Variants in RNF141 observed in about 807,000 individuals in gnomAD.
RNF141 encodes the protein C3HC4-like zinc finger protein.
A neutral mutation model predicts 27.4 loss-of-function variants in RNF141; 18 were observed. The observed-to-expected ratio is 0.66, with a 90% CI of 0.45 to 0.97. The LOEUF (loss-of-function observed/expected upper bound fraction) is 0.97. Among genes scored for constraint, RNF141 ranks in the 50% least tolerant of loss-of-function variants. The pLI is 0.00. For synonymous variants in RNF141, 97 were observed against 96.6 expected (o/e 1.00, Z -0.02); for missense variants, 230 against 279.4 (o/e 0.82, Z 1.26).
chr11:10,535,123 C>T (rs1042223137), intron 1 of RNF141, among the ~76,000 whole-genome samples: 5 of 150,410 alleles, frequency 3.3e-5, no homozygotes, highest in African/African-American at 1.2e-4. Context: ...TCCAAATTAA[C>T]AACCATATCA....
intron 1 of RNF141, among the ~76,000 whole-genome samples, chr11:10,537,063 T>C (rs2133977190): frequency 6.6e-6 from 1 of 152,312 alleles, no homozygotes; most frequent in African/African-American, 2.4e-5. Context: ...TGAGGAGCTG[T>C]CATGTGGAAA....
At chr11:10,531,070 G>C (rs1184756575) in intron 2 of RNF141, among the ~76,000 whole-genome samples, 1 of 152,026 alleles carries the variant, frequency 6.6e-6, no homozygotes, top group Non-Finnish European at 1.5e-5. Context: ...ACAAGTCTTA[G>C]AAATCAGGGA....
At chr11:10,529,288 T>G (rs1488432189) in intron 3 of RNF141, among the ~76,000 whole-genome samples, 2 of 152,234 alleles carry the variant, frequency 1.3e-5, no homozygotes, top group Admixed American at 1.3e-4. Context: ...GTCTTTAATT[T>G]AACCAATCCT....
rs1301913648 is a variant in RNF141, at chr11:10,513,276, T to C, written c.*1640A>G. The C allele has an allele frequency of 6.6e-6, 1 of 152,218 alleles. No homozygotes were observed. Among genetic ancestry groups the C allele is most frequent in the Non-Finnish European group, 1.5e-5 (1 of 68,032 alleles). 9.4% of individuals were successfully genotyped at this position (152,218 alleles called of 1,614,324 possible). On this transcript the variant is annotated 3_prime_UTR_variant, in exon 6 of 6. Coordinates refer to ENST00000265981, the MANE Select transcript of RNF141 (RefSeq NM_016422.4). ...CCTGGCCAGATGTTTTTCCTTGAAA[T>C]TGATTTGAATTTTATTTGCTCGCCT...
At chr11:10,526,023 G>T (rs1333352826) in intron 3 of RNF141, among the ~76,000 whole-genome samples, 2 of 152,146 alleles carry the variant, frequency 1.3e-5, no homozygotes, top group African/African-American at 2.4e-5. Flanking sequence ...GGGGCAAGCA[G>T]AGGAGATTGC....
rs571933603 is a variant in RNF141, at chr11:10,513,589, T to C, written c.*1327A>G. On this transcript the variant is annotated 3_prime_UTR_variant, in exon 6 of 6. Coordinates refer to ENST00000265981, the MANE Select transcript of RNF141 (RefSeq NM_016422.4). ...TATTTTAATGGAAAGAGTATTTCAA[T>C]GGAAGTACAGTGAAACAGTAGGAAT... is the stretch of plus-strand genomic sequence containing the variant. The C allele has an allele frequency of 6.6e-6, 1 of 152,342 alleles. No homozygotes were observed. Among genetic ancestry groups the C allele is most frequent in the African/African-American group, 2.4e-5 (1 of 41,582 alleles). The allele number at this position is 152,342 out of a possible 1,614,324, so 9.4% of individuals were successfully genotyped here.
At chr11:10,519,429 A>G (rs1311558282) in intron 4 of RNF141, among the ~76,000 whole-genome samples, 1 of 152,248 alleles carries the variant, frequency 6.6e-6, no homozygotes, top group African/African-American at 2.4e-5. Flanking sequence ...CTTTCTGGAA[A>G]CAATTTAGCC....
Position 10,519,146 on chromosome 11 carries a change from A to C in RNF141, c.435-5T>G. ...TCATCGGTCAGCTGCTTCACCCTGC[A>C]ATGTGAAAACTGAGCTGAAACAATT... is the stretch of plus-strand genomic sequence containing the variant. On this transcript the variant is annotated splice_region_variant and splice_polypyrimidine_tract_variant and intron_variant, in intron 4 of 5. Coordinates refer to ENST00000265981, the MANE Select transcript of RNF141 (RefSeq NM_016422.4). The C allele has an allele frequency of 1.2e-6, 2 of 1,611,766 alleles. No individual in the cohort carries two copies. Among genetic ancestry groups the C allele is most frequent in the Non-Finnish European group, 1.7e-6 (2 of 1,178,206 alleles).
rs975947518 is a variant in RNF141 at position 10,514,601 on chromosome 11, T to C, written c.*315A>G. 3 of 207,888 alleles carry C rather than the reference T, an allele frequency of 1.4e-5. No homozygotes were observed. The highest frequency in any genetic ancestry group is 5.9e-5 in the Admixed American group (1 of 16,866). The allele number at this position is 207,888 out of a possible 1,614,324, so 12.9% of individuals were successfully genotyped here. A position where few individuals can be genotyped will look rare whatever the true frequency, so the allele number is the denominator to read the frequency against. On this transcript the variant is annotated 3_prime_UTR_variant, in exon 6 of 6. Coordinates refer to ENST00000265981, the MANE Select transcript of RNF141 (RefSeq NM_016422.4). ...AGAATACTCCTGCCCTGCAAAACAGTAGTGTTTTAGAAGCCTCTGGAAGTG... is the reference window on the plus strand; with the variant it reads ...AGAATACTCCTGCCCTGCAAAACAGCAGTGTTTTAGAAGCCTCTGGAAGTG...
chr11:10,514,540 T>A lies in RNF141; in HGVS notation c.*376A>T, dbSNP rs553764776. 1 of 158,968 alleles carries A rather than the reference T, an allele frequency of 6.3e-6. No homozygotes were observed. The highest frequency in any genetic ancestry group is 6.5e-5 in the Admixed American group (1 of 15,428). The allele number at this position is 158,968 out of a possible 1,614,324, so 9.8% of individuals were successfully genotyped here. The stretch of plus-strand genomic sequence containing the variant: ...CTCAGATGGCTACAACTTTTTAATA[T>A]TCGAGGTTTATTTTATATCTAAGTA... On this transcript the variant is annotated 3_prime_UTR_variant, in exon 6 of 6. Transcript: ENST00000265981.
chr11:10,527,536 C>T (rs902131612), intron 3 of RNF141, among the ~76,000 whole-genome samples: 7 of 149,432 alleles, frequency 4.7e-5, no homozygotes, highest in Admixed American at 1.3e-4. Context: ...GAGTGACAGA[C>T]GGACAGAGGA....
Position 10,513,713 on chromosome 11 carries a change from T to A in RNF141, c.*1203A>T, listed in dbSNP as rs1488343506. 1 of 152,064 alleles carries A rather than the reference T, an allele frequency of 6.6e-6. No homozygotes were observed. The highest frequency in any genetic ancestry group is 1.9e-4 in the East Asian group (1 of 5,186). The allele number at this position is 152,064 out of a possible 1,614,324, so 9.4% of individuals were successfully genotyped here. ...TTTTTTTTTTGATTAGGAGTCTCGT[T>A]CTGTCTCCCAGGCTGGAGTGCAGTG... On this transcript the variant is annotated 3_prime_UTR_variant, in exon 6 of 6. Transcript: ENST00000265981.
At chr11:10,528,605 T>C (rs1198943440) in intron 3 of RNF141, among the ~76,000 whole-genome samples, 3 of 152,184 alleles carry the variant, frequency 2.0e-5, no homozygotes, top group Non-Finnish European at 4.4e-5. Flanking sequence ...TTTCTACAAT[T>C]TATATTGGCC....
At chr11:10,526,777 G>A (rs191051894) in intron 3 of RNF141, among the ~76,000 whole-genome samples, 3 of 144,242 alleles carry the variant, frequency 2.1e-5, no homozygotes, top group Non-Finnish European at 4.5e-5. Flanking sequence ...GCAAGACTAC[G>A]TCTCAAAAAA....
At chr11:10,532,669 G>A (rs1022284552) in intron 2 of RNF141, among the ~76,000 whole-genome samples, 14 of 152,136 alleles carry the variant, frequency 9.2e-5, no homozygotes, top group African/African-American at 3.1e-4. Flanking sequence ...AAGACAGTAT[G>A]TCTTCACATA....
At chr11:10,535,418 C>A (rs1591501618) in intron 1 of RNF141, among the ~76,000 whole-genome samples, 1 of 138,858 alleles carries the variant, frequency 7.2e-6, no homozygotes. Context: ...ATAAATATCA[C>A]ATTATAGAGA....
At chr11:10,529,338 A>G (rs1191264069) in intron 3 of RNF141, among the ~76,000 whole-genome samples, 1 of 152,224 alleles carries the variant, frequency 6.6e-6, no homozygotes, top group African/African-American at 2.4e-5. Flanking sequence ...GATAAGTGAG[A>G]AAATAAGTAT....
chr11:10,538,447 C>T (rs779724338), intron 1 of RNF141, among the ~76,000 whole-genome samples: 1 of 152,206 alleles, frequency 6.6e-6, no homozygotes, highest in South Asian at 2.1e-4. Context: ...TGCATGTTCA[C>T]GAAAACAATC....
At chr11:10,519,747 A>T (rs1849871896) in intron 4 of RNF141, among the ~76,000 whole-genome samples, 1 of 152,186 alleles carries the variant, frequency 6.6e-6, no homozygotes, top group Non-Finnish European at 1.5e-5. Context: ...TACTGTGTAA[A>T]TACGGTATAC....
Sources: allele counts gnomAD v4.1 joint callset (sites outside exome capture counted in the v4.1 genomes callset), GRCh38; gene constraint gnomAD v4.1.1; transcripts MANE v1.5; gene names NCBI Gene and HGNC (gene_info 2026-07-23, HGNC 2026-07-21).